The following DCLK3 variants were observed in gnomAD, a reference collection of about 807,000 sequenced individuals.
DCLK3 encodes the protein doublecortin like kinase 3.
In DCLK3, 30 loss-of-function variants were observed where a neutral mutation model predicts 46.4. The observed-to-expected ratio is 0.65, with a 90% CI of 0.48 to 0.88. The LOEUF is 0.88. DCLK3 is among the 40% of genes least tolerant of loss of function. The pLI, the probability that DCLK3 is intolerant of heterozygous loss-of-function variation, is 0.00. For synonymous variants in DCLK3, 401 were observed against 339.2 expected (o/e 1.18, Z -2.00); for missense variants, 846 against 907.1 (o/e 0.93, Z 0.87).
In DCLK3 at chr3:36,751,063, TA is replaced by T. The variant is rs5847933; in HGVS notation, c.83-11980del. The stretch of plus-strand genomic sequence containing the variant: ...TGATATCCCTGTAGACGGGATGATC[TA>T]AAAAAAAAAAAAAAAAAAAAAACTC... On this transcript the variant is annotated intron_variant, in intron 1 of 4. Transcript: ENST00000636136. Among the ~76,000 whole-genome samples the T allele has an allele frequency of 7.4e-3, 566 of 76,472 alleles. 6 individuals carry two copies. The highest frequency in any genetic ancestry group is 0.011 in the Admixed American group (59 of 5,258). 50.2% of individuals were successfully genotyped at this position (76,472 alleles called of 152,430 possible).
chr3:36,719,120 G>A (rs573731917), intron 3 of DCLK3, among the ~76,000 whole-genome samples: 1 of 152,164 alleles, frequency 6.6e-6, no homozygotes, highest in East Asian at 1.9e-4. Context: ...ATTTTCTGAT[G>A]AGCATTTATT....
chr3:36,746,360 A>G (rs1474847381), intron 1 of DCLK3, among the ~76,000 whole-genome samples: 4 of 152,192 alleles, frequency 2.6e-5, no homozygotes, highest in Admixed American at 1.3e-4. Context: ...ATCTCATGAT[A>G]ACTTTGGAGT....
In DCLK3 at chr3:36,730,628, T is replaced by C. The variant is rs1701188307; in HGVS notation, c.1959+6580A>G. 2.6e-5 allele frequency among the ~76,000 whole-genome samples: 4 copies of C among 152,314 alleles called. No individual in the cohort carries two copies. In the South Asian group the frequency reaches 8.3e-4, roughly 32 times the overall value. On this transcript the variant is annotated intron_variant, in intron 2 of 4. Transcript: ENST00000636136. ...CTAAGTACACATGGCTATTGGTTTT[T>C]ACATGAAACTTAAAATGCAGTTCCT... is the stretch of plus-strand genomic sequence containing the variant.
In DCLK3 at chr3:36,738,878, C is replaced by T. The variant is rs563548073; in HGVS notation, c.289G>A (p.Val97Met). Residue 97 changes from valine to methionine, a missense_variant, in exon 2 of 5, where the codon GTG (valine) becomes ATG (methionine). Physicochemically the swap from Val to Met is conservative, Grantham distance 21 (BLOSUM62 1). Around this residue, in one of 3 missense-constraint regions of DCLK3, gnomAD observed 553 missense variants for 543.0 expected, o/e 1.02. Coordinates refer to ENST00000636136, the MANE Select transcript of DCLK3 (RefSeq NM_001394672.2). ...TGCCCACCCAGCTTCACTACGGTCA[C>T]GACCCTGGGCTTCAGAGGGCTGTTC... Reference protein sequence around the residue: ...PENSPLKPRVVTVVKLGGQRP... With the variant: ...PENSPLKPRVMTVVKLGGQRP... 91 of 477,062 alleles carry T rather than the reference C, an allele frequency of 1.9e-4. No homozygotes were observed. The highest frequency in any genetic ancestry group is 2.0e-4 in the South Asian group (2 of 9,864). The allele number at this position is 477,062 out of a possible 1,614,324, so 29.6% of individuals were successfully genotyped here. A position where few individuals can be genotyped will look rare whatever the true frequency, so the allele number is the denominator to read the frequency against.
At chr3:36,757,037 T>C (rs192061560) in intron 1 of DCLK3, among the ~76,000 whole-genome samples, 15 of 152,240 alleles carry the variant, frequency 9.9e-5, no homozygotes, top group Non-Finnish European at 1.5e-4. Context: ...TCTGGCAATC[T>C]GCTCATGTTG....
intron 2 of DCLK3, among the ~76,000 whole-genome samples, chr3:36,722,793 A>G (rs1022560164): frequency 6.6e-6 from 1 of 152,166 alleles, no homozygotes; most frequent in African/African-American, 2.4e-5. Context: ...CTCCCCAGCC[A>G]TGTGGAACCA....
chr3:36,742,896 G>A (rs2125533390), intron 1 of DCLK3, among the ~76,000 whole-genome samples: 1 of 152,250 alleles, frequency 6.6e-6, no homozygotes, highest in South Asian at 2.1e-4. Flanking sequence ...ACTGCACACA[G>A]AGTACTTTCA....
chr3:36,737,521 T>C lies in DCLK3; in HGVS notation c.1646A>G (p.Gln549Arg). 25 of 1,614,218 alleles carry C rather than the reference T, an allele frequency of 1.5e-5. No homozygotes were observed. Among genetic ancestry groups the C allele is most frequent in the Non-Finnish European group, 2.0e-5 (24 of 1,180,032 alleles). Residue 549 changes from glutamine to arginine, a missense_variant, in exon 2 of 5, where the codon CAG (glutamine) becomes CGG (arginine). By Grantham distance (43) the Gln-to-Arg change is conservative. Transcript: ENST00000636136. This position sits in a 1 kb window ranked among gnomAD's most constrained non-coding sequence, Gnocchi z 4.4. ...VKECRHRETR[Q>R]AYAMKIIDKS... ...GTCAATGATCTTCATCGCATAGGCC[T>C]GCCTGGTCTCGCGGTGTCTGCACTC... is the stretch of plus-strand genomic sequence containing the variant.
At chr3:36,741,714 T>C (rs1701346810) in intron 1 of DCLK3, among the ~76,000 whole-genome samples, 1 of 152,208 alleles carries the variant, frequency 6.6e-6, no homozygotes, top group African/African-American at 2.4e-5. Context: ...TAAGACTCAA[T>C]GTGGAGAGGA....
rs1244878082 is a variant in DCLK3 at position 36,729,260 on chromosome 3, G to A, written c.1960-7601C>T. ...TTGTGTGTGTGTGTGGGGGGGGGGG[G>A]TACAAAAGCCCCCTTTACACACATC... On this transcript the variant is annotated intron_variant, in intron 2 of 4. Transcript: ENST00000636136. Among the ~76,000 whole-genome samples the A allele has an allele frequency of 5.1e-5, 7 of 138,380 alleles. No individual in the cohort carries two copies. The South Asian group carries it at 1.5e-3, about 30-fold the overall frequency. 90.8% of individuals were successfully genotyped at this position (138,380 alleles called of 152,430 possible).
intron 2 of DCLK3, among the ~76,000 whole-genome samples, chr3:36,723,780 A>G (rs1701091795): frequency 6.6e-6 from 1 of 152,206 alleles, no homozygotes; most frequent in Admixed American, 6.5e-5. Context: ...TGTCCAGGCA[A>G]AAGTTTGCTG....
At chr3:36,762,630 C>T (rs1701549753) in intron 1 of DCLK3, among the ~76,000 whole-genome samples, 1 of 152,130 alleles carries the variant, frequency 6.6e-6, no homozygotes, top group Admixed American at 6.5e-5. Flanking sequence ...GATGTAAATT[C>T]CCAGGCACTC....
intron 1 of DCLK3, among the ~76,000 whole-genome samples, chr3:36,752,485 A>T (rs560212883): frequency 6.6e-6 from 1 of 152,372 alleles, no homozygotes; most frequent in East Asian, 1.9e-4. Context: ...TTTTACAGTA[A>T]GAATGAGCAC....
chr3:36,730,568 T>C (rs1358544450), intron 2 of DCLK3, among the ~76,000 whole-genome samples: 1 of 152,104 alleles, frequency 6.6e-6, no homozygotes, highest in Non-Finnish European at 1.5e-5. Context: ...AAAGTAAAAG[T>C]GGGATAAGGG....
chr3:36,742,190 C>A (rs1285814608), intron 1 of DCLK3, among the ~76,000 whole-genome samples: 1 of 152,084 alleles, frequency 6.6e-6, no homozygotes, highest in Non-Finnish European at 1.5e-5. Flanking sequence ...TACAATAGGA[C>A]CAGTGGCCTC....
chr3:36,762,712 T>A (rs1239109778), intron 1 of DCLK3, among the ~76,000 whole-genome samples: 1 of 152,152 alleles, frequency 6.6e-6, no homozygotes. Context: ...ATGGAGGGAC[T>A]GGCAATTGGA....
intron 1 of DCLK3, among the ~76,000 whole-genome samples, chr3:36,755,534 T>C (rs546826104): frequency 6.6e-6 from 1 of 152,258 alleles, no homozygotes; most frequent in South Asian, 2.1e-4. Flanking sequence ...TTACAAATAA[T>C]AACAAAATAA....
chr3:36,715,612 C>G, intron 4 of DCLK3, 91 bp from the exon 5 acceptor site: 12 of 1,394,862 alleles, frequency 8.6e-6, no homozygotes, highest in Non-Finnish European at 1.1e-5. Flanking sequence ...TAAACATTCA[C>G]GTCAGCACCA....
chr3:36,719,987 C>T (rs892450433), intron 3 of DCLK3, among the ~76,000 whole-genome samples: 1 of 152,218 alleles, frequency 6.6e-6, no homozygotes, highest in African/African-American at 2.4e-5. Context: ...TAAGCTCAAC[C>T]TACCCAACTG....
Sources: gnomAD v4.1 joint callset for allele counts (sites outside exome capture counted in the v4.1 genomes callset) on GRCh38, gnomAD v4.1.1 for gene constraint, gnomAD v4.1.1 regional missense constraint, Gnocchi (gnomAD v3.1) non-coding constraint, MANE v1.5 for transcripts, NCBI Gene and HGNC (gene_info 2026-07-23, HGNC 2026-07-21) for gene names.